Variants in CPNE5 observed in about 807,000 individuals in gnomAD.
CPNE5 encodes copine 5.
A neutral mutation model predicts 81.1 loss-of-function variants in CPNE5; 42 were observed. That is an observed-to-expected ratio of 0.52 (90% confidence interval 0.40 to 0.67). The LOEUF is 0.67. CPNE5 is among the 30% of genes least tolerant of loss of function. The probability of loss-of-function intolerance (pLI) is 0.00; values close to 1 mark genes in which losing one functional copy is unlikely to be tolerated. For missense variants in CPNE5, 612 were observed against 815.5 expected, an observed-to-expected ratio of 0.75 and a Z score of 3.04; for synonymous variants, 313 against 321.5, an observed-to-expected ratio of 0.97 and a Z score of 0.28.
In CPNE5 at chr6:36,767,470, T is replaced by C. The variant is rs146400160; in HGVS notation, c.738-2094A>G. Among the ~76,000 whole-genome samples the C allele has an allele frequency of 2.1e-3, 317 of 152,326 alleles. 2 individuals are homozygous for C. Among genetic ancestry groups the C allele is most frequent in the African/African-American group, 7.1e-3 (297 of 41,564 alleles). ...CTGAGCCAGAACAAGACCAAGGCCC[T>C]GACTCCCAGTCCAGGACTTCGGTCA... On this transcript the variant is annotated intron_variant, in intron 10 of 20. Coordinates refer to ENST00000244751, the MANE Select transcript of CPNE5 (RefSeq NM_020939.2).
intron 14 of CPNE5, among the ~76,000 whole-genome samples, chr6:36,749,477 G>A (rs1458041994): frequency 6.6e-6 from 1 of 152,028 alleles, no homozygotes. Flanking sequence ...TGTGGTTATG[G>A]TATTGTGGTT....
intron 6 of CPNE5, among the ~76,000 whole-genome samples, chr6:36,797,936 C>T (rs2150523472): frequency 6.6e-6 from 1 of 152,230 alleles, no homozygotes; most frequent in East Asian, 1.9e-4. Context: ...AGTCTATTTC[C>T]TCCTGGGCCT....
intron 10 of CPNE5, among the ~76,000 whole-genome samples, chr6:36,768,978 A>G (rs1310307597): frequency 6.6e-6 from 1 of 152,148 alleles, no homozygotes; most frequent in East Asian, 1.9e-4. Flanking sequence ...AACTATCTCC[A>G]CGTACAGTCA....
chr6:36,773,702 G>C (rs1302077905), intron 10 of CPNE5, among the ~76,000 whole-genome samples: 1 of 152,150 alleles, frequency 6.6e-6, no homozygotes, highest in Non-Finnish European at 1.5e-5. Flanking sequence ...AGGAAACTCA[G>C]GCTCAGACAG....
At chr6:36,818,737 G>C (rs1433560668) in intron 3 of CPNE5, among the ~76,000 whole-genome samples, 4 of 152,186 alleles carry the variant, frequency 2.6e-5, no homozygotes, top group Non-Finnish European at 5.9e-5. Flanking sequence ...TCCACACCAA[G>C]GCCACCTGTC....
At chr6:36,749,098 G>A (rs2150368632) in intron 14 of CPNE5, among the ~76,000 whole-genome samples, 1 of 149,284 alleles carries the variant, frequency 6.7e-6, no homozygotes, top group African/African-American at 2.4e-5. Context: ...CACCACACCT[G>A]GCTTTTTTTT....
chr6:36,767,577 C>G (rs1390023428), intron 10 of CPNE5, among the ~76,000 whole-genome samples: 1 of 152,182 alleles, frequency 6.6e-6, no homozygotes, highest in Non-Finnish European at 1.5e-5. Context: ...CTGCAGGGGA[C>G]CTTCAGAGAC....
rs538492445 is a variant in CPNE5 at position 36,760,949 on chromosome 6, T to G, written c.855+1968A>C. Among the ~76,000 whole-genome samples, 3 of 152,362 alleles carry G rather than the reference T, an allele frequency of 2.0e-5. No individual in the cohort carries two copies. In the South Asian group the frequency reaches 6.2e-4, roughly 32 times the overall value. ...AGAGCTGTGCTCCTTTTTCAGCTGA[T>G]GGCCTTCCGATGTGTGCAGACAGTG... On this transcript the variant is annotated intron_variant, in intron 12 of 20. Coordinates refer to ENST00000244751, the MANE Select transcript of CPNE5 (RefSeq NM_020939.2).
Position 36,765,380 on chromosome 6 carries a change from CA to C in CPNE5, c.738-5del. On this transcript the variant is annotated splice_region_variant and splice_polypyrimidine_tract_variant and intron_variant, in intron 10 of 20. Coordinates refer to ENST00000244751, the MANE Select transcript of CPNE5 (RefSeq NM_020939.2). ...GTACACCTCCACCTTGATGGTCCTG[CA>C]AAACAAAGGCCTTTGCTGGGATGGG... The C allele has an allele frequency of 3.1e-6, 5 of 1,614,138 alleles. No homozygotes were observed. Among genetic ancestry groups the C allele is most frequent in the Non-Finnish European group, 4.2e-6 (5 of 1,179,972 alleles).
At chr6:36,798,554 G>A (rs1025102951) in intron 4 of CPNE5, 60 bp from the exon 5 acceptor site, 3 of 1,538,712 alleles carry the variant, frequency 1.9e-6, no homozygotes, top group East Asian at 2.3e-5. Context: ...AATCCTGCCT[G>A]GGTTCTCAAG....
chr6:36,811,459 C>T (rs541914066), intron 3 of CPNE5, among the ~76,000 whole-genome samples: 1 of 152,340 alleles, frequency 6.6e-6, no homozygotes, highest in Admixed American at 6.5e-5. Flanking sequence ...TCACAGTAGG[C>T]TTGTGAGCCT....
At chr6:36,742,648 C>T (rs1374577655) in intron 20 of CPNE5, 162 bp from the exon 21 acceptor site, 2 of 984,382 alleles carry the variant, frequency 2.0e-6, no homozygotes, top group Non-Finnish European at 2.4e-6. Context: ...TCCCTCAACT[C>T]CCTGGGTTTG....
At chr6:36,810,253 C>T (rs748770495) in intron 3 of CPNE5, among the ~76,000 whole-genome samples, 10 of 152,170 alleles carry the variant, frequency 6.6e-5, no homozygotes, top group Non-Finnish European at 8.8e-5. Context: ...AGCTGCAAAG[C>T]CCCCAGGGGC....
At chr6:36,826,367 A>C (rs1772504491) in intron 1 of CPNE5, among the ~76,000 whole-genome samples, 1 of 152,172 alleles carries the variant, frequency 6.6e-6, no homozygotes, top group Non-Finnish European at 1.5e-5. Flanking sequence ...CCAGCACCCC[A>C]GGATAAAGCA....
At chr6:36,792,385 T>C in intron 7 of CPNE5, 1 of 1,474,298 alleles carries the variant, frequency 6.8e-7, no homozygotes, top group Non-Finnish European at 9.0e-7. Flanking sequence ...TGGAAAAGCA[T>C]CCAGACTCAC....
chr6:36,827,272 C>G, intron 1 of CPNE5: 1 of 960,858 alleles, frequency 1.0e-6, no homozygotes, highest in South Asian at 4.8e-5. Flanking sequence ...CTCCGTCCAT[C>G]CCTCTCCCTA....
At chr6:36,822,993 G>A (rs1182901603) in intron 2 of CPNE5, 65 bp downstream of exon 2, 5 of 1,376,610 alleles carry the variant, frequency 3.6e-6, no homozygotes, top group Admixed American at 4.2e-5. Flanking sequence ...CTCAAGCATT[G>A]CCGCTGTAAT....
chr6:36,792,648 T>A (rs1037761057), intron 7 of CPNE5, among the ~76,000 whole-genome samples: 10 of 152,168 alleles, frequency 6.6e-5, no homozygotes, highest in Non-Finnish European at 1.5e-4. Context: ...GGGGTCTCCC[T>A]GGGAGTGAGA....
chr6:36,821,368 G>A (rs1214642146), intron 3 of CPNE5, among the ~76,000 whole-genome samples: 1 of 152,150 alleles, frequency 6.6e-6, no homozygotes, highest in Non-Finnish European at 1.5e-5. Flanking sequence ...AGCCACAGGA[G>A]GGCTCTGAGC....
Sources: allele counts gnomAD v4.1 joint callset (sites outside exome capture counted in the v4.1 genomes callset), GRCh38; gene constraint gnomAD v4.1.1; transcripts MANE v1.5; gene names NCBI Gene and HGNC (gene_info 2026-07-23, HGNC 2026-07-21).